The following ESRRG variants were observed in gnomAD, a reference collection of about 807,000 sequenced individuals.
The protein encoded by ESRRG is estrogen related receptor gamma, also known as estrogen-related receptor gamma.
In ESRRG, 13 loss-of-function variants were observed where a neutral mutation model predicts 44.0. The ratio of observed to expected loss-of-function variants is 0.30; its 90% CI spans 0.19 to 0.47. ESRRG has a LOEUF of 0.47. ESRRG is among the 20% of genes least tolerant of loss of function. The pLI is 1.00. For missense variants in ESRRG, 395 were observed against 580.6 expected (o/e 0.68, Z 3.29); for synonymous variants, 215 against 214.6 (o/e 1.00, Z -0.02).
rs372572138 is a variant in ESRRG at position 217,044,023 on chromosome 1, G to GA, written c.-106+45483dup. On this transcript the variant is annotated intron_variant, in intron 1 of 7. Coordinates refer to the ESRRG transcript ENST00000359162. ...ATATAGCCAAAGGCAAATAAAAATAGAAAAAAAAAGTGTGGATCATTTTAC... is the reference window on the plus strand; with the variant it reads ...ATATAGCCAAAGGCAAATAAAAATAGAAAAAAAAAAGTGTGGATCATTTTAC... Among the ~76,000 whole-genome samples, 442 of 150,990 alleles carry GA rather than the reference G, an allele frequency of 2.9e-3. 3 individuals carry two copies. The highest frequency in any genetic ancestry group is 4.3e-3 in the African/African-American group (176 of 41,158).
At chr1:216,773,582 A>G (rs1471808668) in intron 2 of ESRRG, among the ~76,000 whole-genome samples, 1 of 152,182 alleles carries the variant, frequency 6.6e-6, no homozygotes, top group African/African-American at 2.4e-5. Flanking sequence ...AGAAGGTCTC[A>G]GGGCTTCAAT....
At chr1:217,037,225 G>A (rs568646070) in intron 1 of ESRRG, among the ~76,000 whole-genome samples, 64 of 152,118 alleles carry the variant, frequency 4.2e-4, no homozygotes, top group East Asian at 3.9e-4. Flanking sequence ...TACTCCAAAT[G>A]TTTCATATTT....
intron 2 of ESRRG, among the ~76,000 whole-genome samples, chr1:216,937,818 T>C (rs2064406219): frequency 6.6e-6 from 1 of 152,136 alleles, no homozygotes; most frequent in Non-Finnish European, 1.5e-5. Context: ...ATAGTCAGGA[T>C]CAAAGCAAAC....
At chr1:217,129,291 A>ACAC (rs2092929285) in intron 1 of ESRRG, among the ~76,000 whole-genome samples, 1 of 152,232 alleles carries the variant, frequency 6.6e-6, no homozygotes, top group African/African-American at 2.4e-5. Flanking sequence ...ACAGTGAATT[A>ACAC]CCACTTACAC....
At chr1:216,597,103 A>G (rs2058549512) in intron 3 of ESRRG, among the ~76,000 whole-genome samples, 1 of 152,158 alleles carries the variant, frequency 6.6e-6, no homozygotes, top group African/African-American at 2.4e-5. Flanking sequence ...TTAATTGTCT[A>G]TTACAGCTAA....
intron 1 of ESRRG, among the ~76,000 whole-genome samples, chr1:217,134,733 C>T (rs1021709533): frequency 2.0e-5 from 3 of 152,244 alleles, no homozygotes; most frequent in Non-Finnish European, 2.9e-5. Flanking sequence ...TTCTCTTGCT[C>T]CGGGCTGAGG....
intron 2 of ESRRG, among the ~76,000 whole-genome samples, chr1:216,778,402 A>C (rs143557420): frequency 1.3e-3 from 198 of 152,082 alleles, no homozygotes; most frequent in African/African-American, 4.6e-3. Flanking sequence ...GTGAACCATC[A>C]CTTTTGGTAG....
At chr1:216,951,085 A>C (rs2066876903) in intron 1 of ESRRG, among the ~76,000 whole-genome samples, 1 of 152,202 alleles carries the variant, frequency 6.6e-6, no homozygotes, top group African/African-American at 2.4e-5. Context: ...TATCACTTGT[A>C]TCCACTATTT....
intron 1 of ESRRG, among the ~76,000 whole-genome samples, chr1:216,954,393 C>T (rs1184943328): frequency 6.6e-6 from 1 of 152,144 alleles, no homozygotes. Context: ...GCCATCAAAA[C>T]CAAGTTCAGT....
chr1:216,589,021 A>G (rs2057192283), intron 3 of ESRRG, among the ~76,000 whole-genome samples: 1 of 152,218 alleles, frequency 6.6e-6, no homozygotes, highest in South Asian at 2.1e-4. Flanking sequence ...TTTAAAGGAA[A>G]GAAAAACAGT....
At chr1:216,634,073 T>C (rs1304531673) in intron 3 of ESRRG, among the ~76,000 whole-genome samples, 1 of 152,152 alleles carries the variant, frequency 6.6e-6, no homozygotes, top group Non-Finnish European at 1.5e-5. Flanking sequence ...AAACCACCAA[T>C]GGACAAAGAA....
chr1:216,723,252 G>T lies in ESRRG; in HGVS notation c.48C>A (p.Tyr16Ter), dbSNP rs761486279. 1.2e-6 allele frequency: 2 copies of T among 1,611,442 alleles called. No individual in the cohort carries two copies. The highest frequency in any genetic ancestry group is 4.5e-5 in the East Asian group (2 of 44,762). The change falls in exon 1 of 7, where the codon TAC becomes TAA. Residue 16 changes from tyrosine (Y) to a stop codon, truncating the protein, a stop_gained. Coordinates refer to ENST00000408911, the MANE Select transcript of ESRRG (RefSeq NM_001438.4). LOFTEE classifies it high-confidence loss of function. The stretch of plus-strand genomic sequence containing the variant: ...AGAAAAAAGGTACCTACTCTTCCTC[G>T]TAGTGCAGGGAAAAAGATTCAGGAA... ...LCLPESFSLHYEEELLCRMSN... is the reference protein window; with the variant it reads ...LCLPESFSLH
intron 1 of ESRRG, among the ~76,000 whole-genome samples, chr1:216,998,391 G>A (rs1313663241): frequency 6.6e-6 from 1 of 152,114 alleles, no homozygotes; most frequent in Admixed American, 6.5e-5. Flanking sequence ...TGCCAGTGTT[G>A]TTTGCCTACA....
intron 5 of ESRRG, among the ~76,000 whole-genome samples, chr1:216,555,521 A>T (rs2057350944): frequency 7.0e-6 from 1 of 142,674 alleles, no homozygotes; most frequent in South Asian, 2.3e-4. Flanking sequence ...GCTGAGTAAT[A>T]CAGGTGCCCT....
Position 216,952,134 on chromosome 1 carries a change from C to T in ESRRG, c.-105-12461G>A, listed in dbSNP as rs1337305520. ...ACACCTTGCCAACACCCCCACTGGTCTTTGAGTGGCAAATTATATACCACA... is the reference window on the plus strand; with the variant it reads ...ACACCTTGCCAACACCCCCACTGGTTTTTGAGTGGCAAATTATATACCACA... On this transcript the variant is annotated intron_variant, in intron 1 of 7. Transcript: ENST00000359162. Among the ~76,000 whole-genome samples, 8 of 152,254 alleles carry T rather than the reference C, an allele frequency of 5.3e-5. No homozygotes were observed. The East Asian group carries it at 1.5e-3, about 29-fold the overall frequency.
intron 1 of ESRRG, among the ~76,000 whole-genome samples, chr1:217,030,207 G>A (rs1316657988): frequency 6.6e-6 from 1 of 151,748 alleles, no homozygotes; most frequent in African/African-American, 2.4e-5. Context: ...TAAACCAAGT[G>A]ATCAAACCAC....
chr1:216,937,113 A>T (rs1389250889), intron 2 of ESRRG, among the ~76,000 whole-genome samples: 1 of 152,128 alleles, frequency 6.6e-6, no homozygotes, highest in Non-Finnish European at 1.5e-5. Context: ...ATAGTAACAA[A>T]AAAAGAAAAA....
intron 2 of ESRRG, among the ~76,000 whole-genome samples, chr1:216,731,836 A>G (rs959880913): frequency 5.9e-5 from 9 of 152,244 alleles, no homozygotes; most frequent in African/African-American, 1.2e-4. Context: ...TTGGATAACG[A>G]AAGTTTATCC....
At position 216,789,552 on chromosome 1, in the gene ESRRG, G is replaced by T. The variant is rs146124462; in HGVS notation, c.-13-112061C>A. ...GTAAATGAAAAAATTGGTGTGACTT[G>T]CTTTACTTTGCTAACTGCTTGATTG... On this transcript the variant is annotated intron_variant, in intron 2 of 7. Coordinates refer to the ESRRG transcript ENST00000359162. Among the ~76,000 whole-genome samples the T allele has an allele frequency of 9.1e-4, 138 of 152,250 alleles. 2 individuals are homozygous for T. In the East Asian group the frequency reaches 0.024, roughly 27 times the overall value.
Sources: gnomAD v4.1 joint callset for allele counts (sites outside exome capture counted in the v4.1 genomes callset) on GRCh38, gnomAD v4.1.1 for gene constraint, MANE v1.5 for transcripts, NCBI Gene and HGNC (gene_info 2026-07-23, HGNC 2026-07-21) for gene names.